Variants in NOTCH1 observed in about 807,000 individuals in gnomAD.
NOTCH1 encodes neurogenic locus notch homolog protein 1.
Under a neutral mutation model 254.8 loss-of-function variants are expected in NOTCH1, and 37 were observed. That is an observed-to-expected ratio of 0.15 (90% CI 0.11 to 0.19). NOTCH1 has a LOEUF of 0.19. Ranked by LOEUF, NOTCH1 falls within the 10% of genes least tolerant of loss-of-function variation. NOTCH1 has a pLI of 1.00. For missense variants in NOTCH1, 2,972 were observed against 3,708.6 expected, an observed-to-expected ratio of 0.80 and a Z score of 5.16; for synonymous variants, 1,731 against 1,618.1, an observed-to-expected ratio of 1.07 and a Z score of -1.68.
intron 4 of NOTCH1, among the ~76,000 whole-genome samples, chr9:136,521,581 C>T (rs547748168): frequency 2.6e-5 from 4 of 152,314 alleles, no homozygotes; most frequent in South Asian, 4.1e-4. Context: ...CCCCTCAATC[C>T]GTGTGACTGG....
intron 2 of NOTCH1, among the ~76,000 whole-genome samples, chr9:136,532,339 C>T (rs1012212818): frequency 2.6e-5 from 4 of 152,234 alleles, no homozygotes; most frequent in Admixed American, 6.5e-5. Context: ...CCCAGTGCCT[C>T]GCGGCCTCGC....
chr9:136,514,817 C>A, intron 12 of NOTCH1, 115 bp from the exon 13 acceptor site: 1 of 1,088,824 alleles, frequency 9.2e-7, no homozygotes, highest in African/African-American at 1.6e-5. Context: ...CCACATCCTT[C>A]CAGGTGTCAG....
intron 4 of NOTCH1, among the ~76,000 whole-genome samples, chr9:136,522,380 G>C (rs1041242706): frequency 6.6e-6 from 1 of 152,192 alleles, no homozygotes; most frequent in East Asian, 1.9e-4. Context: ...CACGGGGATC[G>C]GGGAGCACTG....
Position 136,540,220 on chromosome 9 carries a change from G to C in NOTCH1, c.140+3804C>G, listed in dbSNP as rs1306016803. 6.6e-6 allele frequency among the ~76,000 whole-genome samples: 1 copy of C among 152,214 alleles called. No individual in the cohort carries two copies. Among genetic ancestry groups the C allele is most frequent in the African/African-American group, 2.4e-5 (1 of 41,460 alleles). On this transcript the variant is annotated intron_variant, in intron 2 of 33. Transcript: ENST00000651671. The surrounding 1 kb of genome is among the most constrained non-coding windows in gnomAD (Gnocchi z 4.4). Reference sequence around the variant, plus strand: ...AGGTGCCTCTCTCACGCCTTGCTGGGAAGTGAACTCCACAGGAGCAGGGGC... The same window carrying C: ...AGGTGCCTCTCTCACGCCTTGCTGGCAAGTGAACTCCACAGGAGCAGGGGC...
chr9:136,499,167 G>T lies in NOTCH1; in HGVS notation c.6027C>A (p.Gly2009=). ...GTGAGTTGATGAGGTCCTCCAGCAT[G>T]CCCTCCACGGCCAGGCGGGCAGCCA... ...LILAARLAVE[G]MLEDLINSHA... Residue 2009 remains glycine, a synonymous_variant, in exon 32 of 34, where the codon GGC becomes GGA. Coordinates refer to ENST00000651671, the MANE Select transcript of NOTCH1 (RefSeq NM_017617.5). 6.2e-7 allele frequency: 1 copy of T among 1,613,332 alleles called. No homozygotes were observed. The highest frequency in any genetic ancestry group is 8.5e-7 in the Non-Finnish European group (1 of 1,180,002).
chr9:136,539,949 C>A (rs978819807), intron 2 of NOTCH1, among the ~76,000 whole-genome samples: 1 of 152,210 alleles, frequency 6.6e-6, no homozygotes, highest in Non-Finnish European at 1.5e-5. Flanking sequence ...CGCTTGTAGT[C>A]GGGAAATGAC....
At chr9:136,524,056 T>TA in intron 2 of NOTCH1, 77 bp from the exon 3 acceptor site, 1 of 1,519,402 alleles carries the variant, frequency 6.6e-7, no homozygotes, top group Non-Finnish European at 8.8e-7. Flanking sequence ...CGGGAACCTG[T>TA]CATGGGCACA....
At position 136,498,926 on chromosome 9, in the gene NOTCH1, C is replaced by T. The variant is rs1554826678; in HGVS notation, c.6153G>A (p.Gly2051=). 1.9e-6 allele frequency: 3 copies of T among 1,613,744 alleles called. No homozygotes were observed. The highest frequency in any genetic ancestry group is 1.6e-4 in the Middle Eastern group (1 of 6,062). Residue 2051 remains glycine, a synonymous_variant, in exon 33 of 34, where the codon GGG becomes GGA. Coordinates refer to ENST00000651671, the MANE Select transcript of NOTCH1 (RefSeq NM_017617.5). The part of the protein sequence containing the change: ...VDAAVVLLKN[G]ANKDMQNNRE... The stretch of plus-strand genomic sequence containing the variant: ...TGTTGTTCTGCATATCTTTGTTAGC[C>T]CCGTTCTTCAGGAGCACAACTGCGG...
chr9:136,495,264 A>G lies in NOTCH1; in HGVS notation c.*807T>C, dbSNP rs1842898964. 2 of 398,862 alleles carry G rather than the reference A, an allele frequency of 5.0e-6. No homozygotes were observed. Among genetic ancestry groups the G allele is most frequent in the Non-Finnish European group, 8.8e-6 (2 of 226,080 alleles). The allele number at this position is 398,862 out of a possible 1,614,324, so 24.7% of individuals were successfully genotyped here. A position where few individuals can be genotyped will look rare whatever the true frequency, so the allele number is the denominator to read the frequency against. On this transcript the variant is annotated 3_prime_UTR_variant, in exon 34 of 34. Transcript: ENST00000651671. ...CATGCATGATGCCTACATTTCAAGAACGGGCAGGGGGCCGGGGTGGTTCTG... is the reference window on the plus strand; with the variant it reads ...CATGCATGATGCCTACATTTCAAGAGCGGGCAGGGGGCCGGGGTGGTTCTG...
At chr9:136,527,711 T>TC (rs1843487326) in intron 2 of NOTCH1, among the ~76,000 whole-genome samples, 1 of 152,106 alleles carries the variant, frequency 6.6e-6, no homozygotes, top group Non-Finnish European at 1.5e-5. Flanking sequence ...CTTCCGTGCG[T>TC]CCCTCTTAGG....
chr9:136,517,632 T>G, intron 8 of NOTCH1, 120 bp downstream of exon 8: 1 of 1,277,122 alleles, frequency 7.8e-7, no homozygotes, highest in Non-Finnish European at 1.1e-6. Flanking sequence ...GTGCAGGCTG[T>G]GGGCCCAGAA....
Position 136,513,525 on chromosome 9 carries a change from G to T in NOTCH1, c.2220C>A (p.Asp740Glu). Residue 740 changes from aspartate to glutamate, a missense_variant, in exon 14 of 34, where the codon GAC becomes GAA. Physicochemically the swap from Asp to Glu is conservative, Grantham distance 45 (BLOSUM62 2). Transcript: ENST00000651671. This position sits in a 1 kb window ranked among gnomAD's most constrained non-coding sequence, Gnocchi z 4.7. ...TGGTCCCACTCCACCCAGGGTCACA[G>T]TCGCACTTGTACCTGCAAGGGGGAC... Reference protein sequence around the residue: ...CRDSLNGYKCDCDPGWSGTNC... With the variant: ...CRDSLNGYKCECDPGWSGTNC... The T allele has an allele frequency of 6.2e-7, 1 of 1,613,092 alleles. No individual in the cohort carries two copies.
Position 136,518,207 on chromosome 9 carries a change from C to T in NOTCH1, c.1185G>A (p.Lys395=), listed in dbSNP as rs774399901. 2.5e-6 allele frequency: 4 copies of T among 1,607,972 alleles called. No homozygotes were observed. In the Admixed American group the frequency reaches 6.7e-5, roughly 27 times the overall value. Reference sequence around the variant, plus strand: ...ACCCCGAGGGGCAGGTGCAGATGGCCTTGCCATTGACAGGGTTGGTGTCGC... The same window carrying T: ...ACCCCGAGGGGCAGGTGCAGATGGCTTTGCCATTGACAGGGTTGGTGTCGC... The part of the protein sequence containing the change: ...SNCDTNPVNG[K]AICTCPSGYT... The change falls in exon 7 of 34, where the codon AAG becomes AAA. Residue 395 remains lysine, a synonymous_variant. Transcript: ENST00000651671.
rs752418831 is a variant in NOTCH1 at position 136,502,095 on chromosome 9, G to A, written c.5385-7C>T. 3 of 1,612,942 alleles carry A rather than the reference G, an allele frequency of 1.9e-6. No homozygotes were observed. Among genetic ancestry groups the A allele is most frequent in the South Asian group, 1.1e-5 (1 of 91,076 alleles). On this transcript the variant is annotated splice_region_variant and splice_polypyrimidine_tract_variant and intron_variant, in intron 28 of 33. Coordinates refer to ENST00000651671, the MANE Select transcript of NOTCH1 (RefSeq NM_017617.5). ...TGAAGCGTTCTTCAGGGGCCTGGGG[G>A]GTGAGGGGTCGAGAAGTGAGGCTGA...
chr9:136,543,960 C>T (rs2133406034), intron 2 of NOTCH1, 64 bp downstream of exon 2: 3 of 1,430,402 alleles, frequency 2.1e-6, no homozygotes, highest in East Asian at 2.5e-5. Flanking sequence ...GTCCCCTGCG[C>T]GGCTGCAGAA....
intron 2 of NOTCH1, among the ~76,000 whole-genome samples, chr9:136,530,647 T>A (rs1006933501): frequency 6.6e-6 from 1 of 152,218 alleles, no homozygotes; most frequent in Non-Finnish European, 1.5e-5. Context: ...GCTGCTCCAC[T>A]GCGGGAATTT....
chr9:136,511,095 T>C, intron 16 of NOTCH1, 57 bp downstream of exon 16: 2 of 1,611,878 alleles, frequency 1.2e-6, no homozygotes, highest in Non-Finnish European at 1.7e-6. Flanking sequence ...GCTGCCTGTG[T>C]CCCGCAGACA....
rs544355210 is a variant in NOTCH1, at chr9:136,540,904, G to C, written c.140+3120C>G. Among the ~76,000 whole-genome samples, 10 of 152,270 alleles carry C rather than the reference G, an allele frequency of 6.6e-5. No homozygotes were observed. The highest frequency in any genetic ancestry group is 2.4e-4 in the African/African-American group (10 of 41,540). On this transcript the variant is annotated intron_variant, in intron 2 of 33. Transcript: ENST00000651671. The surrounding 1 kb of genome is among the most constrained non-coding windows in gnomAD (Gnocchi z 4.4). ...AGCCCAGACGCAGGCAGCCCTGGGA[G>C]AGCGTTTCAGACCAAGGACGTAGTC...
Position 136,514,493 on chromosome 9 carries a change from T to C in NOTCH1, c.2207+17A>G, listed in dbSNP as rs1423093267. The stretch of plus-strand genomic sequence containing the variant: ...GTTTAGGACTGATGTGTCCCCATGA[T>C]CGGCCCCGCCGCATACCCGTTGAGG... On this transcript the variant is annotated intron_variant, in intron 13 of 33. Coordinates refer to ENST00000651671, the MANE Select transcript of NOTCH1 (RefSeq NM_017617.5). 6.4e-7 allele frequency: 1 copy of C among 1,555,294 alleles called. No individual in the cohort carries two copies. Among genetic ancestry groups the C allele is most frequent in the East Asian group, 2.4e-5 (1 of 42,130 alleles).
Sources: allele counts gnomAD v4.1 joint callset (sites outside exome capture counted in the v4.1 genomes callset), GRCh38; gene constraint gnomAD v4.1.1; non-coding constraint Gnocchi (gnomAD v3.1); transcripts MANE v1.5; gene names NCBI Gene and HGNC (gene_info 2026-07-23, HGNC 2026-07-21).